WDR17: variants seen among roughly 807,000 people sequenced by gnomAD.
WDR17 encodes WD repeat-containing protein 17.
In WDR17, 143 loss-of-function variants were observed where a neutral mutation model predicts 161.7. The ratio of observed to expected loss-of-function variants is 0.88; its 90% confidence interval spans 0.77 to 1.02. WDR17 has a LOEUF of 1.02. WDR17 is among the 50% of genes least tolerant of loss of function. WDR17 has a pLI of 0.00. For synonymous variants in WDR17, 517 were observed against 515.6 expected, an observed-to-expected ratio of 1.00 and a Z score of -0.04; for missense variants, 1,469 against 1,520.9, an observed-to-expected ratio of 0.97 and a Z score of 0.57.
chr4:176,141,309 T>C (rs1429813883), intron 10 of WDR17, among the ~76,000 whole-genome samples: 1 of 152,196 alleles, frequency 6.6e-6, no homozygotes, highest in Non-Finnish European at 1.5e-5. Flanking sequence ...ACTTCATAAA[T>C]AGTTGTTTTA....
rs2126884832 is a variant in WDR17, at chr4:176,172,599, T to G, written c.3244+83T>G. The G allele has an allele frequency of 3.2e-6, 4 of 1,240,258 alleles. No individual in the cohort carries two copies. In the South Asian group the frequency reaches 4.6e-5, roughly 14 times the overall value. 76.8% of individuals were successfully genotyped at this position (1,240,258 alleles called of 1,614,324 possible). ...TCATACTGATGATTGTTTTAATTCA[T>G]TTTTGCATTGCTATAAAGAAATACC... On this transcript the variant is annotated intron_variant, in intron 24 of 28. Coordinates refer to ENST00000508596, the MANE Select transcript of WDR17 (RefSeq NM_181265.4).
chr4:176,176,319 A>G (rs1240399999), intron 26 of WDR17, among the ~76,000 whole-genome samples: 4 of 152,208 alleles, frequency 2.6e-5, no homozygotes, highest in African/African-American at 7.2e-5. Context: ...TAAAGAATGT[A>G]TCGTCTCTGA....
At chr4:176,078,758 T>C (rs980116761) in intron 1 of WDR17, among the ~76,000 whole-genome samples, 1 of 152,038 alleles carries the variant, frequency 6.6e-6, no homozygotes, top group African/African-American at 2.4e-5. Context: ...ATTTATTTTG[T>C]TCATTAAAAC....
At chr4:176,097,710 A>G (rs1049277654) in intron 1 of WDR17, among the ~76,000 whole-genome samples, 5 of 146,128 alleles carry the variant, frequency 3.4e-5, no homozygotes, top group African/African-American at 1.3e-4. Context: ...GTAATACTTC[A>G]AGCCCCACTT....
At chr4:176,165,444 G>T (rs531491163) in intron 22 of WDR17, among the ~76,000 whole-genome samples, 1 of 152,198 alleles carries the variant, frequency 6.6e-6, no homozygotes, top group South Asian at 2.1e-4. Flanking sequence ...AGGGTTAGGG[G>T]TGCCAACCCC....
Position 176,163,220 on chromosome 4 carries a change from G to A in WDR17, c.2917G>A (p.Gly973Arg), listed in dbSNP as rs752331432. 3 of 1,614,044 alleles carry A rather than the reference G, an allele frequency of 1.9e-6. No homozygotes were observed. Among genetic ancestry groups the A allele is most frequent in the Non-Finnish European group, 2.5e-6 (3 of 1,179,990 alleles). The change falls in exon 22 of 29, where the codon GGA becomes AGA. Residue 973 changes from glycine to arginine, a missense_variant. Transcript: ENST00000508596. ...ELAVCVGTVL[G>R]ESAAPATHYA... ...GGCAGTCTGTGTGGGCACAGTACTA[G>A]GAGAGTCTGCAGCACCAGCAACCCA...
In WDR17 at chr4:176,180,048, C is replaced by G. The variant is rs1007605524; in HGVS notation, c.*469C>G. On this transcript the variant is annotated 3_prime_UTR_variant, in exon 29 of 29. Coordinates refer to ENST00000508596, the MANE Select transcript of WDR17 (RefSeq NM_181265.4). ...TGATCTTCAACTTAACAAACACTTACGTTCTCCTTTATAAAATGCATAGTA... is the reference window on the plus strand; with the variant it reads ...TGATCTTCAACTTAACAAACACTTAGGTTCTCCTTTATAAAATGCATAGTA... 6.6e-6 allele frequency: 1 copy of G among 152,000 alleles called. No individual in the cohort carries two copies. The highest frequency in any genetic ancestry group is 2.4e-5 in the African/African-American group (1 of 41,390). 9.4% of individuals were successfully genotyped at this position (152,000 alleles called of 1,614,324 possible).
intron 19 of WDR17, 62 bp from the exon 20 acceptor site, chr4:176,160,849 C>T (rs1748928255): frequency 7.5e-7 from 1 of 1,341,184 alleles, no homozygotes; most frequent in Non-Finnish European, 1.0e-6. Flanking sequence ...AAATCATATT[C>T]TGAAATGTGT....
At chr4:176,074,737 G>A (rs1460039489) in intron 1 of WDR17, among the ~76,000 whole-genome samples, 3 of 150,328 alleles carry the variant, frequency 2.0e-5, no homozygotes, top group Non-Finnish European at 3.0e-5. Context: ...TTAAATACAC[G>A]AGCCCCTGTG....
chr4:176,150,013 T>C (rs755069318), intron 14 of WDR17, 30 bp from the exon 15 acceptor site: 4 of 1,611,428 alleles, frequency 2.5e-6, no homozygotes. Context: ...ATGAGAAATC[T>C]TTTCTCACTG....
chr4:176,100,105 T>C (rs1168047531), intron 1 of WDR17, among the ~76,000 whole-genome samples: 3 of 152,148 alleles, frequency 2.0e-5, no homozygotes, highest in African/African-American at 7.2e-5. Context: ...TACACAGTAG[T>C]AGGATTACTG....
At chr4:176,075,394 G>T (rs1324674749) in intron 1 of WDR17, among the ~76,000 whole-genome samples, 2 of 151,864 alleles carry the variant, frequency 1.3e-5, no homozygotes, top group Admixed American at 1.3e-4. Flanking sequence ...CTAAGCTCTA[G>T]TACCTAGGAA....
intron 7 of WDR17, among the ~76,000 whole-genome samples, chr4:176,132,939 A>G (rs867935340): frequency 2.0e-5 from 3 of 151,678 alleles, no homozygotes; most frequent in African/African-American, 7.2e-5. Flanking sequence ...TTTTGCTGAT[A>G]TGTCCTGAGT....
chr4:176,111,740 C>A lies in WDR17; in HGVS notation c.123+37C>A, dbSNP rs114391687. On this transcript the variant is annotated intron_variant, in intron 2 of 28. Coordinates refer to ENST00000508596, the MANE Select transcript of WDR17 (RefSeq NM_181265.4). ...ATTCTTTTCCATTTTTAATTATATC[C>A]GGTAAAATTAATATTTAATTAATAC... The A allele has an allele frequency of 1.3e-3, 1,880 of 1,482,966 alleles. 21 individuals carry two copies. The African/African-American group carries it at 0.022, about 17-fold the overall frequency. The allele number at this position is 1,482,966 out of a possible 1,614,324, so 91.9% of individuals were successfully genotyped here.
chr4:176,139,849 G>T lies in WDR17; in HGVS notation c.1360-43G>T, dbSNP rs771514304. The T allele has an allele frequency of 4.1e-6, 6 of 1,468,024 alleles. No homozygotes were observed. The Admixed American group carries it at 1.1e-4, about 28-fold the overall frequency. The allele number at this position is 1,468,024 out of a possible 1,614,324, so 90.9% of individuals were successfully genotyped here. On this transcript the variant is annotated intron_variant, in intron 9 of 28. Transcript: ENST00000508596. ...AAGTAAATATATAAGAGAAAAAAGG[G>T]GTGAATTATTTCTTATTGATAGGTA...
At chr4:176,174,946 T>C (rs1751234405) in intron 26 of WDR17, among the ~76,000 whole-genome samples, 1 of 152,250 alleles carries the variant, frequency 6.6e-6, no homozygotes, top group Non-Finnish European at 1.5e-5. Flanking sequence ...TGATCTTTCA[T>C]GTCAAGACAC....
chr4:176,071,167 T>C (rs868469320), intron 1 of WDR17, among the ~76,000 whole-genome samples: 16 of 151,750 alleles, frequency 1.1e-4, no homozygotes, highest in African/African-American at 3.6e-4. Context: ...AAAATAGGGG[T>C]ATACTTTTTG....
rs549776202 is a variant in WDR17 at position 176,173,767 on chromosome 4, G to A, written c.3347+398G>A. ...CCTGACCTCGTGATCCACCCACCTCGGCCTCCCAAAGTGCTGGGATTACAG... is the reference window on the plus strand; with the variant it reads ...CCTGACCTCGTGATCCACCCACCTCAGCCTCCCAAAGTGCTGGGATTACAG... On this transcript the variant is annotated intron_variant, in intron 25 of 28. Transcript: ENST00000508596. Among the ~76,000 whole-genome samples the A allele has an allele frequency of 4.6e-5, 7 of 151,896 alleles. No homozygotes were observed. In the East Asian group the frequency reaches 7.7e-4, roughly 17 times the overall value.
intron 6 of WDR17, among the ~76,000 whole-genome samples, chr4:176,130,541 G>A (rs572887859): frequency 5.3e-5 from 8 of 151,922 alleles, no homozygotes; most frequent in East Asian, 1.9e-4. Flanking sequence ...TCAGGAGATC[G>A]AGACCATCCT....
Sources: allele counts gnomAD v4.1 joint callset (sites outside exome capture counted in the v4.1 genomes callset), GRCh38; gene constraint gnomAD v4.1.1; transcripts MANE v1.5; gene names NCBI Gene and HGNC (gene_info 2026-07-23, HGNC 2026-07-21).